ZNF407: variants seen among roughly 807,000 people sequenced by gnomAD.
The protein encoded by ZNF407 is zinc finger protein 407.
In ZNF407, 17 loss-of-function variants were observed where a neutral mutation model predicts 131.2. The ratio of observed to expected loss-of-function variants is 0.13; its 90% CI spans 0.09 to 0.19. The LOEUF is 0.19. Ranked by LOEUF, ZNF407 falls within the 10% of genes least tolerant of loss-of-function variation. The pLI, the probability that ZNF407 is intolerant of heterozygous loss-of-function variation, is 1.00. For missense variants in ZNF407, 2,681 were observed against 2,830.6 expected (o/e 0.95, Z 1.20); for synonymous variants, 1,156 against 1,062.0 (o/e 1.09, Z -1.72).
chr18:75,007,581 T>G (rs1398778314), intron 8 of ZNF407, among the ~76,000 whole-genome samples: 1 of 152,254 alleles, frequency 6.6e-6, no homozygotes, highest in African/African-American at 2.4e-5. Context: ...AAGTGAGGTC[T>G]GAATGCAAAA....
chr18:74,774,111 A>G (rs1418031335), intron 3 of ZNF407, among the ~76,000 whole-genome samples: 1 of 152,250 alleles, frequency 6.6e-6, no homozygotes, highest in African/African-American at 2.4e-5. Context: ...ATTACAAGAC[A>G]TAATTACGGT....
Position 74,760,651 on chromosome 18 carries a change from C to T in ZNF407, c.4803-20777C>T, listed in dbSNP as rs997486592. Among the ~76,000 whole-genome samples, 29 of 152,120 alleles carry T rather than the reference C, an allele frequency of 1.9e-4. 1 individual carries two copies. The South Asian group carries it at 6.0e-3, about 32-fold the overall frequency. Reference sequence around the variant, plus strand: ...GTTGTGAGTCAAGTCAAAGACAAACCCTGAGCATGGAGTGTTTCAGGGATC... The same window carrying T: ...GTTGTGAGTCAAGTCAAAGACAAACTCTGAGCATGGAGTGTTTCAGGGATC... On this transcript the variant is annotated intron_variant, in intron 3 of 8. Transcript: ENST00000299687.
chr18:74,853,720 CTGTT>C (rs1055711704), intron 4 of ZNF407, among the ~76,000 whole-genome samples: 22 of 152,158 alleles, frequency 1.4e-4, no homozygotes, highest in Admixed American at 1.1e-3. Context: ...TTGCTGCTCT[CTGTT>C]TGTTCATCTG....
At chr18:74,846,980 C>A (rs1599193481) in intron 4 of ZNF407, among the ~76,000 whole-genome samples, 1 of 139,412 alleles carries the variant, frequency 7.2e-6, no homozygotes, top group Middle Eastern at 3.7e-3. Flanking sequence ...GGCGACAGAG[C>A]AAGACTTAGT....
At position 75,004,886 on chromosome 18, in the gene ZNF407, G is replaced by A. The variant is rs147833780; in HGVS notation, c.5429-58264G>A. ...CCTCTCCTCGGCCCCACCGCACTTAGAGATGGCTTCTGGCAGCGCTGGGAT... is the reference window on the plus strand; with the variant it reads ...CCTCTCCTCGGCCCCACCGCACTTAAAGATGGCTTCTGGCAGCGCTGGGAT... On this transcript the variant is annotated intron_variant, in intron 8 of 8. Coordinates refer to ENST00000299687, the MANE Select transcript of ZNF407 (RefSeq NM_017757.3). 2.7e-3 allele frequency among the ~76,000 whole-genome samples: 418 copies of A among 152,278 alleles called. 2 individuals carry two copies. Among genetic ancestry groups the A allele is most frequent in the African/African-American group, 9.2e-3 (383 of 41,550 alleles).
rs746780782 is a variant in ZNF407, at chr18:74,877,340, A to G, written c.5021A>G (p.Lys1674Arg). ...HYSFLTASAM[K>R]DHYRTHTGEK... The stretch of plus-strand genomic sequence containing the variant: ...TCATTCCTCACAGCCTCCGCAATGA[A>G]AGACCACTACAGGACGCACACAGGT... Residue 1674 changes from lysine (K) to arginine (R), a missense_variant, in exon 5 of 9, where the codon AAA becomes AGA. This residue lies in a region of ZNF407 where 213 missense variants were observed against 332.2 expected (regional missense o/e 0.64). Coordinates refer to ENST00000299687, the MANE Select transcript of ZNF407 (RefSeq NM_017757.3). 6.2e-7 allele frequency: 1 copy of G among 1,613,516 alleles called. No individual in the cohort carries two copies. Among genetic ancestry groups the G allele is most frequent in the Non-Finnish European group, 8.5e-7 (1 of 1,179,884 alleles).
intron 8 of ZNF407, among the ~76,000 whole-genome samples, chr18:74,934,878 G>A (rs1282478035): frequency 6.6e-6 from 1 of 152,150 alleles, no homozygotes; most frequent in Non-Finnish European, 1.5e-5. Flanking sequence ...TATTTGCAAA[G>A]TACTTAAAAT....
intron 8 of ZNF407, among the ~76,000 whole-genome samples, chr18:75,059,134 T>G (rs1049269876): frequency 2.0e-5 from 3 of 152,244 alleles, no homozygotes; most frequent in Non-Finnish European, 4.4e-5. Flanking sequence ...CCATTTAGTT[T>G]ACATTAATGG....
intron 4 of ZNF407, among the ~76,000 whole-genome samples, chr18:74,813,796 A>G (rs1970231934): frequency 6.6e-6 from 1 of 152,142 alleles, no homozygotes; most frequent in Non-Finnish European, 1.5e-5. Context: ...GTTGTAATTA[A>G]TGCCCCCTTT....
At chr18:74,664,426 C>T (rs755481264) in intron 3 of ZNF407, among the ~76,000 whole-genome samples, 19 of 152,170 alleles carry the variant, frequency 1.2e-4, no homozygotes, top group Admixed American at 3.3e-4. Flanking sequence ...ACCAGGGAGG[C>T]GGAGGTTGCA....
chr18:74,792,246 C>T (rs906595414), intron 4 of ZNF407, among the ~76,000 whole-genome samples: 10 of 151,898 alleles, frequency 6.6e-5, no homozygotes, highest in Middle Eastern at 3.4e-3. Context: ...ATCTTTGCTT[C>T]GTTTTTTCAT....
chr18:74,815,687 C>A (rs1028309416), intron 4 of ZNF407, among the ~76,000 whole-genome samples: 4 of 152,078 alleles, frequency 2.6e-5, no homozygotes, highest in Non-Finnish European at 2.9e-5. Context: ...TGCCTGAGTT[C>A]AAAAATTAGC....
intron 8 of ZNF407, among the ~76,000 whole-genome samples, chr18:74,990,839 CT>C (rs1354859014): frequency 2.9e-4 from 44 of 152,276 alleles, no homozygotes; most frequent in African/African-American, 1.0e-3. Flanking sequence ...GCAATCTGTT[CT>C]TTTGTGTATT....
intron 8 of ZNF407, among the ~76,000 whole-genome samples, chr18:75,055,752 A>G (rs913876745): frequency 2.6e-5 from 4 of 152,176 alleles, no homozygotes; most frequent in Admixed American, 2.0e-4. Flanking sequence ...CAGGGGTTTT[A>G]TATGATCATC....
intron 6 of ZNF407, among the ~76,000 whole-genome samples, chr18:74,885,399 T>C (rs1356314696): frequency 6.6e-6 from 1 of 152,188 alleles, no homozygotes; most frequent in Non-Finnish European, 1.5e-5. Context: ...GATCAGACAA[T>C]TTAATATTGT....
chr18:74,727,484 G>A (rs1968186203), intron 3 of ZNF407, among the ~76,000 whole-genome samples: 1 of 152,116 alleles, frequency 6.6e-6, no homozygotes, highest in African/African-American at 2.4e-5. Flanking sequence ...GGTGGTCTCC[G>A]GGACACAGCC....
At chr18:74,914,978 ATTC>A (rs1256465333) in intron 7 of ZNF407, among the ~76,000 whole-genome samples, 1 of 152,196 alleles carries the variant, frequency 6.6e-6, no homozygotes, top group Non-Finnish European at 1.5e-5. Flanking sequence ...TCTTCCTAGC[ATTC>A]TTCTTGTTAA....
chr18:75,023,069 T>C (rs1380444180), intron 8 of ZNF407, among the ~76,000 whole-genome samples: 1 of 151,886 alleles, frequency 6.6e-6, no homozygotes, highest in Non-Finnish European at 1.5e-5. Flanking sequence ...CTCAGCAAAC[T>C]CTCGCAGGAA....
At chr18:74,663,862 G>A (rs1568153452) in intron 3 of ZNF407, among the ~76,000 whole-genome samples, 1 of 152,194 alleles carries the variant, frequency 6.6e-6, no homozygotes, top group Non-Finnish European at 1.5e-5. Flanking sequence ...TCATAGGCAA[G>A]AAGGAAACGT....
Sources: gnomAD v4.1 joint callset for allele counts (sites outside exome capture counted in the v4.1 genomes callset) on GRCh38, gnomAD v4.1.1 for gene constraint, gnomAD v4.1.1 regional missense constraint, MANE v1.5 for transcripts, NCBI Gene and HGNC (gene_info 2026-07-23, HGNC 2026-07-21) for gene names.